Variants in EXOC2 observed in about 807,000 individuals in gnomAD.
EXOC2 encodes the protein exocyst complex component 2, also known as SEC5-like 1.
A neutral mutation model predicts 131.8 loss-of-function variants in EXOC2; 70 were observed. The ratio of observed to expected loss-of-function variants is 0.53; its 90% CI spans 0.44 to 0.65. The LOEUF is 0.65. EXOC2 is among the 30% of genes least tolerant of loss of function. The pLI is 0.00. For synonymous variants in EXOC2, 411 were observed against 398.4 expected (o/e 1.03, Z -0.38); for missense variants, 923 against 1,108.6 (o/e 0.83, Z 2.38).
chr6:550,743 T>TA (rs1757101851), intron 21 of EXOC2, among the ~76,000 whole-genome samples: 1 of 152,240 alleles, frequency 6.6e-6, no homozygotes, highest in South Asian at 2.1e-4. Flanking sequence ...GCAGTCCCTG[T>TA]AAGGACAAGG....
intron 24 of EXOC2, among the ~76,000 whole-genome samples, chr6:499,044 A>C (rs2127479409): frequency 6.6e-6 from 1 of 152,308 alleles, no homozygotes; most frequent in East Asian, 1.9e-4. Flanking sequence ...CAGGATGTTC[A>C]CTGAGGATGT....
intron 16 of EXOC2, among the ~76,000 whole-genome samples, chr6:563,683 T>C (rs1009089208): frequency 3.9e-5 from 6 of 152,196 alleles, no homozygotes; most frequent in Admixed American, 2.6e-4. Context: ...GACATTGATT[T>C]CTGTAAATTA....
At chr6:656,509 G>T in intron 1 of EXOC2, 4 of 1,605,096 alleles carry the variant, frequency 2.5e-6, no homozygotes, top group Non-Finnish European at 3.4e-6. Context: ...CTGGGCGGCA[G>T]GCAGTCCCGC....
At chr6:652,758 T>C (rs1762889856) in intron 1 of EXOC2, among the ~76,000 whole-genome samples, 1 of 152,204 alleles carries the variant, frequency 6.6e-6, no homozygotes, top group Non-Finnish European at 1.5e-5. Flanking sequence ...AAAATTACCC[T>C]TAAAGCAACA....
intron 11 of EXOC2, 58 bp from the exon 12 acceptor site, chr6:576,940 A>C (rs572439580): frequency 6.6e-7 from 1 of 1,518,700 alleles, no homozygotes; most frequent in Non-Finnish European, 8.9e-7. Context: ...ACTCTTGCTT[A>C]GTTGATTTAA....
chr6:537,402 TC>T lies in EXOC2; in HGVS notation c.2239-4793del, dbSNP rs1300025959. Among the ~76,000 whole-genome samples the T allele has an allele frequency of 2.0e-5, 3 of 150,958 alleles. No homozygotes were observed. In the East Asian group the frequency reaches 5.9e-4, roughly 30 times the overall value. ...TGGCCGACGGAGCGTACACTCGAGT[TC>T]ATGACCGACGGAGCGTACACATGAG... is the stretch of plus-strand genomic sequence containing the variant. On this transcript the variant is annotated intron_variant, in intron 22 of 27. Coordinates refer to ENST00000230449, the MANE Select transcript of EXOC2 (RefSeq NM_018303.6).
chr6:653,402 G>A (rs991567894), intron 1 of EXOC2, among the ~76,000 whole-genome samples: 2 of 152,200 alleles, frequency 1.3e-5, no homozygotes, highest in African/African-American at 4.8e-5. Context: ...CTACTCTAGT[G>A]AACACACGAA....
intron 1 of EXOC2, among the ~76,000 whole-genome samples, chr6:668,469 C>T (rs943699822): frequency 6.6e-6 from 1 of 152,202 alleles, no homozygotes; most frequent in African/African-American, 2.4e-5. Flanking sequence ...TCACACTCAG[C>T]GTTAGGTCCC....
chr6:607,772 A>T (rs758023904), intron 7 of EXOC2, among the ~76,000 whole-genome samples: 5 of 152,244 alleles, frequency 3.3e-5, no homozygotes, highest in Non-Finnish European at 7.3e-5. Flanking sequence ...ACTAATAGTC[A>T]TCATTGGCTT....
chr6:491,117 C>A lies in EXOC2; in HGVS notation c.2621+8G>T. 6.2e-7 allele frequency: 1 copy of A among 1,614,026 alleles called. No homozygotes were observed. The highest frequency in any genetic ancestry group is 8.5e-7 in the Non-Finnish European group (1 of 1,179,904). On this transcript the variant is annotated splice_region_variant and intron_variant, in intron 26 of 27. Coordinates refer to ENST00000230449, the MANE Select transcript of EXOC2 (RefSeq NM_018303.6). The stretch of plus-strand genomic sequence containing the variant: ...TAGAGCACTCAACTAAAGAACACTG[C>A]CACTTACTTGCTTTCGGGTGTCAGG...
intron 1 of EXOC2, among the ~76,000 whole-genome samples, chr6:691,361 C>A (rs919766656): frequency 2.0e-5 from 3 of 152,268 alleles, no homozygotes; most frequent in African/African-American, 7.2e-5. Context: ...GCCTGCATCT[C>A]CCACTCCCCT....
chr6:575,431 G>A (rs188691304), intron 12 of EXOC2, among the ~76,000 whole-genome samples: 7 of 102,682 alleles, frequency 6.8e-5, no homozygotes, highest in African/African-American at 2.1e-4. Flanking sequence ...GGTTAAAAGA[G>A]CCTGGCATCT....
chr6:692,624 G>C lies in EXOC2; in HGVS notation c.-44+395C>G, dbSNP rs1007438431. 1.4e-4 allele frequency among the ~76,000 whole-genome samples: 21 copies of C among 152,276 alleles called. 1 individual carries two copies. Among genetic ancestry groups the C allele is most frequent in the South Asian group, 6.2e-4 (3 of 4,836 alleles). On this transcript the variant is annotated intron_variant, in intron 1 of 27. Coordinates refer to ENST00000230449, the MANE Select transcript of EXOC2 (RefSeq NM_018303.6). Reference sequence around the variant, plus strand: ...ACGCCTAGGCAGACAGGTAACACCCGCCTCGCGTTCACTTTTCCGGAGAAA... The same window carrying C: ...ACGCCTAGGCAGACAGGTAACACCCCCCTCGCGTTCACTTTTCCGGAGAAA...
intron 1 of EXOC2, among the ~76,000 whole-genome samples, chr6:654,481 T>C (rs1561976186): frequency 6.6e-6 from 1 of 151,976 alleles, no homozygotes; most frequent in South Asian, 2.1e-4. Context: ...ACCGCAAGTA[T>C]GGTGGAAGTA....
At chr6:681,468 C>A (rs1235761497) in intron 1 of EXOC2, among the ~76,000 whole-genome samples, 1 of 152,142 alleles carries the variant, frequency 6.6e-6, no homozygotes, top group Non-Finnish European at 1.5e-5. Context: ...TTTCTCCCCC[C>A]ACCAAAGAAG....
At chr6:537,502 G>A (rs530423889) in intron 22 of EXOC2, among the ~76,000 whole-genome samples, 183 of 152,296 alleles carry the variant, frequency 1.2e-3, no homozygotes, top group Middle Eastern at 6.8e-3. Context: ...CCGACGGAGC[G>A]TACACTCGAG....
At chr6:587,905 A>G (rs538021820) in intron 11 of EXOC2, among the ~76,000 whole-genome samples, 1 of 152,368 alleles carries the variant, frequency 6.6e-6, no homozygotes, top group East Asian at 1.9e-4. Flanking sequence ...ATTTCTAAGA[A>G]TTACATACTG....
chr6:646,297 C>A (rs771842598), intron 1 of EXOC2, among the ~76,000 whole-genome samples: 3 of 135,696 alleles, frequency 2.2e-5, no homozygotes, highest in African/African-American at 8.1e-5. Flanking sequence ...ATCCCACTTT[C>A]AAATGGTTCA....
At chr6:642,938 A>AAG (rs1554142612) in intron 1 of EXOC2, among the ~76,000 whole-genome samples, 3 of 151,300 alleles carry the variant, frequency 2.0e-5, no homozygotes, top group Non-Finnish European at 1.5e-5. Flanking sequence ...AAAAAAAAAA[A>AAG]GTTCATTGCA....
Sources: gnomAD v4.1 joint callset for allele counts (sites outside exome capture counted in the v4.1 genomes callset) on GRCh38, gnomAD v4.1.1 for gene constraint, MANE v1.5 for transcripts, NCBI Gene and HGNC (gene_info 2026-07-23, HGNC 2026-07-21) for gene names.